TENM2: variants seen among roughly 807,000 people sequenced by gnomAD.
TENM2 encodes teneurin-2.
TENM2 carries 52 observed loss-of-function variants against 245.2 expected under a neutral mutation model. The observed-to-expected ratio is 0.21, with a 90% confidence interval of 0.17 to 0.27. TENM2 has a LOEUF of 0.27. Among genes scored for constraint, TENM2 ranks in the 10% least tolerant of loss-of-function variants. TENM2 has a pLI of 1.00. For synonymous variants in TENM2, 1,363 were observed against 1,438.9 expected, an observed-to-expected ratio of 0.95 and a Z score of 1.19; for missense variants, 3,046 against 3,666.8, an observed-to-expected ratio of 0.83 and a Z score of 4.37.
intron 8 of TENM2, among the ~76,000 whole-genome samples, chr5:168,095,245 G>T (rs138419680): frequency 6.6e-6 from 1 of 152,040 alleles, no homozygotes; most frequent in African/African-American, 2.4e-5. Context: ...GTTGGGGACC[G>T]CTGGTCTACA....
intron 1 of TENM2, among the ~76,000 whole-genome samples, chr5:167,332,267 G>A (rs1229160050): frequency 6.6e-6 from 1 of 152,120 alleles, no homozygotes; most frequent in Non-Finnish European, 1.5e-5. Context: ...CCTCACTTTA[G>A]CTATGATTTC....
intron 2 of TENM2, among the ~76,000 whole-genome samples, chr5:167,812,770 A>G (rs556869855): frequency 1.1e-4 from 16 of 152,194 alleles, no homozygotes; most frequent in Non-Finnish European, 2.2e-4. Flanking sequence ...AGCAATGCCT[A>G]TCTTTGATGG....
the TENM2 span, among the ~76,000 whole-genome samples, chr5:167,027,599 G>GA: frequency 2.0e-5 from 3 of 151,718 alleles, no homozygotes; most frequent in Admixed American, 6.6e-5. Flanking sequence ...CTTTAATTTT[G>GA]AAAAAAATTC....
intron 4 of TENM2, among the ~76,000 whole-genome samples, chr5:167,982,890 G>T (rs1782950005): frequency 6.6e-6 from 1 of 152,156 alleles, no homozygotes; most frequent in Non-Finnish European, 1.5e-5. Flanking sequence ...CTGTCTAACT[G>T]TCTGAATGGT....
chr5:167,983,381 C>G (rs146469610), intron 4 of TENM2, among the ~76,000 whole-genome samples: 3 of 152,098 alleles, frequency 2.0e-5, no homozygotes, highest in Non-Finnish European at 4.4e-5. Flanking sequence ...TATCAAGAGT[C>G]GAAGCTTCTA....
intron 2 of TENM2, among the ~76,000 whole-genome samples, chr5:167,868,045 T>C (rs928166087): frequency 2.6e-5 from 4 of 152,210 alleles, no homozygotes; most frequent in Non-Finnish European, 4.4e-5. Context: ...ACTTAAAAAT[T>C]GATCACGTAA....
intron 2 of TENM2, among the ~76,000 whole-genome samples, chr5:167,820,557 C>G (rs995529117): frequency 6.6e-6 from 1 of 152,170 alleles, no homozygotes; most frequent in African/African-American, 2.4e-5. Flanking sequence ...CCTCACTTGG[C>G]TTTTGGAGAA....
the TENM2 span, among the ~76,000 whole-genome samples, chr5:167,171,063 C>T: frequency 3.9e-5 from 6 of 152,240 alleles, no homozygotes; most frequent in South Asian, 4.1e-4. Context: ...ATTCTCTATC[C>T]GGGTGATTGC....
intron 1 of TENM2, among the ~76,000 whole-genome samples, chr5:167,344,892 A>G (rs1002060599): frequency 2.6e-5 from 4 of 152,138 alleles, no homozygotes; most frequent in African/African-American, 7.2e-5. Flanking sequence ...GAAGGTGGGT[A>G]AAGAATGCCC....
chr5:168,041,225 T>C (rs1013522103), intron 5 of TENM2, among the ~76,000 whole-genome samples: 4 of 152,214 alleles, frequency 2.6e-5, no homozygotes, highest in African/African-American at 9.6e-5. Flanking sequence ...ACTGGCTGAA[T>C]TGTCTTGGGC....
At chr5:167,339,414 A>T (rs899070783) in intron 1 of TENM2, among the ~76,000 whole-genome samples, 2 of 152,130 alleles carry the variant, frequency 1.3e-5, no homozygotes, top group Admixed American at 1.3e-4. Context: ...GAGATGGCTG[A>T]TTAAGTCCAT....
At chr5:168,034,339 TAAAA>T (rs5873085) in intron 5 of TENM2, among the ~76,000 whole-genome samples, 2 of 119,656 alleles carry the variant, frequency 1.7e-5, no homozygotes, top group Non-Finnish European at 3.5e-5. Context: ...AGACTCCGTC[TAAAA>T]AAAAAAAAAA....
the TENM2 span, among the ~76,000 whole-genome samples, chr5:167,133,991 C>T: frequency 2.7e-4 from 41 of 152,214 alleles, no homozygotes; most frequent in East Asian, 7.1e-3. Flanking sequence ...ATAGAGTGTT[C>T]ACAGCAGACC....
chr5:167,037,988 G>T, the TENM2 span, among the ~76,000 whole-genome samples: 1 of 152,222 alleles, frequency 6.6e-6, no homozygotes, highest in Admixed American at 6.5e-5. Context: ...AGGAAACGAT[G>T]TGCTTTCTCT....
At position 168,211,584 on chromosome 5, in the gene TENM2, G is replaced by A. The variant is rs528954994; in HGVS notation, c.3825-150G>A. On this transcript the variant is annotated intron_variant, in intron 19 of 28. Transcript: ENST00000518659. ...TCAGGGGCACTTCTCAAGCTATTGA[G>A]CCAGGAGTTGTCAGTTACAGGGGAA... 3.0e-5 allele frequency: 17 copies of A among 565,502 alleles called. No homozygotes were observed. The East Asian group carries it at 5.5e-4, about 18-fold the overall frequency. 35.0% of individuals were successfully genotyped at this position (565,502 alleles called of 1,614,324 possible).
chr5:168,078,204 C>T (rs1402342046), intron 7 of TENM2, among the ~76,000 whole-genome samples: 2 of 152,126 alleles, frequency 1.3e-5, no homozygotes, highest in East Asian at 3.9e-4. Context: ...TTTCATGTGT[C>T]TGTTGGCTGC....
intron 2 of TENM2, among the ~76,000 whole-genome samples, chr5:167,793,627 G>A (rs889566732): frequency 2.0e-5 from 3 of 152,080 alleles, no homozygotes; most frequent in African/African-American, 7.2e-5. Flanking sequence ...TTGAGCCCAG[G>A]AGTTCGAGAC....
intron 2 of TENM2, among the ~76,000 whole-genome samples, chr5:167,773,293 A>C (rs545725867): frequency 1.1e-3 from 161 of 152,370 alleles, no homozygotes; most frequent in African/African-American, 3.6e-3. Flanking sequence ...AGAGTAAATC[A>C]GATGCAAACA....
At chr5:168,038,857 C>T (rs1581133858) in intron 5 of TENM2, among the ~76,000 whole-genome samples, 1 of 152,026 alleles carries the variant, frequency 6.6e-6, no homozygotes, top group African/African-American at 2.4e-5. Context: ...ATACCTGGTT[C>T]CTAAGGCCCC....
Sources: allele counts gnomAD v4.1 joint callset (sites outside exome capture counted in the v4.1 genomes callset), GRCh38; gene constraint gnomAD v4.1.1; transcripts MANE v1.5; gene names NCBI Gene and HGNC (gene_info 2026-07-23, HGNC 2026-07-21).